The following CDC27 variants were observed in gnomAD, a reference collection of about 807,000 sequenced individuals.
CDC27 encodes the protein cell division cycle 27.
A neutral mutation model predicts 109.7 loss-of-function variants in CDC27; 27 were observed. The ratio of observed to expected loss-of-function variants is 0.25; its 90% CI spans 0.18 to 0.34. The LOEUF is 0.34. CDC27 is among the 10% of genes least tolerant of loss of function. CDC27 has a pLI of 1.00. For synonymous variants in CDC27, 266 were observed against 333.9 expected (o/e 0.80, Z 2.22); for missense variants, 579 against 960.2 (o/e 0.60, Z 5.25).
intron 16 of CDC27, among the ~76,000 whole-genome samples, chr17:47,124,579 C>T (rs559650606): frequency 2.6e-5 from 4 of 152,086 alleles, no homozygotes; most frequent in South Asian, 2.1e-4. Context: ...CCACCATGCC[C>T]GGCCCAGTGA....
chr17:47,139,096 G>C (rs1461932619), intron 12 of CDC27, among the ~76,000 whole-genome samples: 3 of 152,036 alleles, frequency 2.0e-5, no homozygotes, highest in Non-Finnish European at 4.4e-5. Context: ...AGTCAACCTA[G>C]TATTTATATA....
rs1373926978 is a variant in CDC27, at chr17:47,137,256, G to A, written c.1809C>T (p.Ala603=). ...AIQVDPNYAY[A]YTLLGHEFVL... Reference sequence around the variant, plus strand: ...CAAACTCATGCCCTAATAGAGTATAGGCATAAGCGTAATTTGGATCAACTT... The same window carrying A: ...CAAACTCATGCCCTAATAGAGTATAAGCATAAGCGTAATTTGGATCAACTT... Residue 603 remains alanine (A), a synonymous_variant, in exon 14 of 19, where the codon GCC becomes GCT. Transcript: ENST00000066544. 1 of 1,610,442 alleles carries A rather than the reference G, an allele frequency of 6.2e-7. No individual in the cohort carries two copies. Among genetic ancestry groups the A allele is most frequent in the African/African-American group, 1.3e-5 (1 of 74,848 alleles).
chr17:47,186,085 A>G (rs2064424372), intron 1 of CDC27, among the ~76,000 whole-genome samples: 1 of 152,184 alleles, frequency 6.6e-6, no homozygotes, highest in Non-Finnish European at 1.5e-5. Flanking sequence ...ATGCAGTTGG[A>G]TTATTCTACT....
chr17:47,169,058 C>T (rs1321915992), intron 4 of CDC27, among the ~76,000 whole-genome samples: 1 of 149,062 alleles, frequency 6.7e-6, no homozygotes, highest in African/African-American at 2.5e-5. Flanking sequence ...GTGGCACAAT[C>T]ACAGCTCACA....
chr17:47,124,286 T>TCTA (rs60087127), intron 16 of CDC27, among the ~76,000 whole-genome samples: 21 of 151,550 alleles, frequency 1.4e-4, no homozygotes, highest in Non-Finnish European at 2.7e-4. Context: ...TATCTATCTA[T>TCTA]TCATTTTTAT....
At chr17:47,156,066 T>G (rs1413252287) in intron 7 of CDC27, among the ~76,000 whole-genome samples, 2 of 152,206 alleles carry the variant, frequency 1.3e-5, no homozygotes, top group Non-Finnish European at 2.9e-5. Context: ...TATCCATTAA[T>G]GCACAGCCAT....
intron 4 of CDC27, among the ~76,000 whole-genome samples, chr17:47,166,109 G>A (rs1174621204): frequency 6.6e-6 from 1 of 151,758 alleles, no homozygotes; most frequent in Non-Finnish European, 1.5e-5. Flanking sequence ...GAAGATTTTT[G>A]TGTATACATG....
chr17:47,149,946 C>A (rs1271890643), intron 9 of CDC27, among the ~76,000 whole-genome samples: 5 of 152,062 alleles, frequency 3.3e-5, no homozygotes, highest in South Asian at 2.1e-4. Context: ...CAGAGCGAAA[C>A]TCCGTCTAAA....
At chr17:47,162,667 AAAGT>A (rs1278675549) in intron 4 of CDC27, among the ~76,000 whole-genome samples, 1 of 152,224 alleles carries the variant, frequency 6.6e-6, no homozygotes, top group African/African-American at 2.4e-5. Flanking sequence ...ATATTCTGGA[AAAGT>A]AAGAGGGGTG....
chr17:47,153,746 A>C (rs924604790), intron 8 of CDC27, among the ~76,000 whole-genome samples: 4 of 152,150 alleles, frequency 2.6e-5, no homozygotes, highest in African/African-American at 9.7e-5. Flanking sequence ...TAAAAATGGT[A>C]TTTTGGCCTC....
At chr17:47,156,866 G>C in intron 7 of CDC27, 47 bp downstream of exon 7, 1 of 629,126 alleles carries the variant, frequency 1.6e-6, no homozygotes, top group Non-Finnish European at 2.8e-6. Flanking sequence ...GTTATCATAA[G>C]ATCATTTGGT....
chr17:47,147,428 C>CAA (rs112729209), intron 9 of CDC27, among the ~76,000 whole-genome samples: 139 of 134,766 alleles, frequency 1.0e-3, no homozygotes, highest in Middle Eastern at 3.6e-3. Flanking sequence ...AACAAACAAA[C>CAA]AAAAAAAAAA....
intron 2 of CDC27, among the ~76,000 whole-genome samples, chr17:47,180,945 T>TA (rs34061862): frequency 0.15 from 16,621 of 111,668 alleles, 1,619 homozygotes; most frequent in East Asian, 0.43. Context: ...ACTCTTTTCT[T>TA]AAAAAAAAAA....
intron 4 of CDC27, chr17:47,160,010 T>C (rs1019041364): frequency 4.2e-6 from 1 of 239,542 alleles, no homozygotes; most frequent in African/African-American, 2.4e-5. Context: ...TCTTTTTTTT[T>C]TTTTTCAAAC....
At position 47,170,058 on chromosome 17, in the gene CDC27, T is replaced by G. The variant is rs2063768899; in HGVS notation, c.252-16A>C. 1.4e-6 allele frequency: 2 copies of G among 1,463,374 alleles called. No homozygotes were observed. The highest frequency in any genetic ancestry group is 2.9e-5 in the African/African-American group (2 of 68,628). The allele number at this position is 1,463,374 out of a possible 1,614,324, so 90.6% of individuals were successfully genotyped here. A position where few individuals can be genotyped will look rare whatever the true frequency, so the allele number is the denominator to read the frequency against. On this transcript the variant is annotated splice_polypyrimidine_tract_variant and intron_variant, in intron 3 of 18. Transcript: ENST00000066544. ...TTCTGCAAGCCTTTAAAATACAAAT[T>G]TAAAGATTTTTAAAAACCAATATAA...
chr17:47,134,023 T>A (rs192170318), intron 14 of CDC27, among the ~76,000 whole-genome samples: 3 of 152,258 alleles, frequency 2.0e-5, no homozygotes, highest in African/African-American at 7.2e-5. Flanking sequence ...AGTGCCGGGA[T>A]TGCAGGTGTG....
chr17:47,135,692 A>G (rs1371146789), intron 14 of CDC27, among the ~76,000 whole-genome samples: 3 of 152,178 alleles, frequency 2.0e-5, no homozygotes, highest in Non-Finnish European at 4.4e-5. Flanking sequence ...GCCAATCTGA[A>G]TAATCCTCCT....
At chr17:47,160,001 C>CTTTT in intron 4 of CDC27, 1 of 192,530 alleles carries the variant, frequency 5.2e-6, no homozygotes, top group Non-Finnish European at 1.0e-5. Context: ...ACCTCTGCTT[C>CTTTT]TTTTTTTTTT....
chr17:47,172,110 A>T, intron 2 of CDC27, 46 bp from the exon 3 acceptor site: 3 of 1,315,252 alleles, frequency 2.3e-6, no homozygotes, highest in Non-Finnish European at 3.0e-6. Context: ...AGTATATTGA[A>T]TGATAATCAG....
Sources: allele counts gnomAD v4.1 joint callset (sites outside exome capture counted in the v4.1 genomes callset), GRCh38; gene constraint gnomAD v4.1.1; transcripts MANE v1.5; gene names NCBI Gene and HGNC (gene_info 2026-07-23, HGNC 2026-07-21).